DLGAP2: variants seen among roughly 807,000 people sequenced by gnomAD.
DLGAP2 encodes disks large-associated protein 2.
Under a neutral mutation model 100.3 loss-of-function variants are expected in DLGAP2, and 26 were observed. The ratio of observed to expected loss-of-function variants is 0.26; its 90% CI spans 0.19 to 0.36. The LOEUF (loss-of-function observed/expected upper bound fraction) is 0.36. DLGAP2 is among the 10% of genes least tolerant of loss of function. The pLI, the probability that DLGAP2 is intolerant of heterozygous loss-of-function variation, is 1.00. For synonymous variants in DLGAP2, 886 were observed against 630.1 expected, an observed-to-expected ratio of 1.41 and a Z score of -6.08; for missense variants, 1,858 against 1,453.2, an observed-to-expected ratio of 1.28 and a Z score of -4.53.
At chr8:1,068,541 C>T (rs1803326978) in intron 2 of DLGAP2, among the ~76,000 whole-genome samples, 1 of 152,090 alleles carries the variant, frequency 6.6e-6, no homozygotes, top group African/African-American at 2.4e-5. Flanking sequence ...TAAGGCTGTC[C>T]CGGTGGCTAG....
At chr8:1,670,700 C>G (rs963854442) in intron 10 of DLGAP2, among the ~76,000 whole-genome samples, 1 of 152,144 alleles carries the variant, frequency 6.6e-6, no homozygotes, top group African/African-American at 2.4e-5. Context: ...AAAAAAAACG[C>G]ACAACATCCT....
intron 6 of DLGAP2, among the ~76,000 whole-genome samples, chr8:1,603,417 T>C (rs1428057476): frequency 6.7e-6 from 1 of 149,242 alleles, no homozygotes; most frequent in African/African-American, 2.5e-5. Flanking sequence ...GAGTGGAGGC[T>C]GGGTCTCAGT....
At chr8:940,238 A>G (rs1380199969) in intron 2 of DLGAP2, among the ~76,000 whole-genome samples, 3 of 152,018 alleles carry the variant, frequency 2.0e-5, no homozygotes, top group Non-Finnish European at 4.4e-5. Context: ...AAATTGGGAG[A>G]ACAATAATGG....
At chr8:1,230,899 G>T (rs144060290) in intron 2 of DLGAP2, among the ~76,000 whole-genome samples, 1 of 152,144 alleles carries the variant, frequency 6.6e-6, no homozygotes, top group East Asian at 1.9e-4. Flanking sequence ...CAAACTTCAA[G>T]AATCCTAAGA....
At chr8:1,379,804 TTGG>T (rs1231216621) in intron 3 of DLGAP2, 1 of 151,762 alleles carries the variant, frequency 6.6e-6, no homozygotes, top group African/African-American at 2.4e-5. Context: ...ATTTCCCTGC[TTGG>T]TGGGGGTCTG....
At position 1,421,184 on chromosome 8, in the gene DLGAP2, T is replaced by A. The variant is rs187860806; in HGVS notation, c.107-80182T>A. Among the ~76,000 whole-genome samples the A allele has an allele frequency of 9.5e-4, 145 of 152,358 alleles. 1 individual carries two copies. The highest frequency in any genetic ancestry group is 3.3e-3 in the African/African-American group (138 of 41,576). On this transcript the variant is annotated intron_variant, in intron 3 of 14. Transcript: ENST00000637795. The stretch of plus-strand genomic sequence containing the variant: ...ATAAACAGGAAGCCGAGCTCATTTT[T>A]CCTGGAACATAGCTCTAACATCTGA...
At chr8:784,662 A>T (rs964449286) in intron 1 of DLGAP2, among the ~76,000 whole-genome samples, 1 of 152,184 alleles carries the variant, frequency 6.6e-6, no homozygotes, top group Non-Finnish European at 1.5e-5. Flanking sequence ...TTCCATGGGG[A>T]GGAATTTAAG....
intron 2 of DLGAP2, among the ~76,000 whole-genome samples, chr8:1,124,702 A>C (rs866698369): frequency 1.2e-4 from 18 of 152,316 alleles, no homozygotes; most frequent in South Asian, 2.1e-4. Flanking sequence ...GATTTTCACT[A>C]TCTTTTGAAA....
At chr8:1,652,494 C>G (rs200885189) in intron 8 of DLGAP2, among the ~76,000 whole-genome samples, 2 of 152,112 alleles carry the variant, frequency 1.3e-5, no homozygotes, top group Admixed American at 6.5e-5. Flanking sequence ...GAACTACTAC[C>G]TTAGCACTGC....
At chr8:836,530 G>T (rs1432051050) in intron 1 of DLGAP2, among the ~76,000 whole-genome samples, 1 of 152,196 alleles carries the variant, frequency 6.6e-6, no homozygotes, top group African/African-American at 2.4e-5. Context: ...AGGTGCGGGG[G>T]CACACAAGGC....
At chr8:1,012,612 C>T (rs1314833580) in intron 2 of DLGAP2, among the ~76,000 whole-genome samples, 1 of 120,980 alleles carries the variant, frequency 8.3e-6, no homozygotes, top group African/African-American at 3.2e-5. Flanking sequence ...TCTGACCGGC[C>T]CCCCCGACTT....
chr8:1,135,503 G>GTTTTTTTTT (rs3080806), intron 2 of DLGAP2, among the ~76,000 whole-genome samples: 83 of 92,234 alleles, frequency 9.0e-4, no homozygotes, highest in Middle Eastern at 0.015. Context: ...TTTTTTGTGG[G>GTTTTTTTTT]TTTTTTTTTT....
At chr8:1,089,437 C>T (rs935022780) in intron 2 of DLGAP2, among the ~76,000 whole-genome samples, 3 of 152,198 alleles carry the variant, frequency 2.0e-5, no homozygotes, top group African/African-American at 7.2e-5. Flanking sequence ...CGCCTTCCTC[C>T]AGCATCAGGG....
At chr8:859,114 C>CTT (rs113689898) in intron 1 of DLGAP2, among the ~76,000 whole-genome samples, 4 of 142,434 alleles carry the variant, frequency 2.8e-5, no homozygotes, top group East Asian at 2.0e-4. Flanking sequence ...CCTTAGTCTT[C>CTT]TTTTTTTTTT....
intron 3 of DLGAP2, among the ~76,000 whole-genome samples, chr8:1,489,813 C>T (rs1424761429): frequency 6.6e-6 from 1 of 152,200 alleles, no homozygotes; most frequent in Non-Finnish European, 1.5e-5. Flanking sequence ...CACTTAGAAG[C>T]TTTCTAACAT....
chr8:1,438,896 A>AT (rs980479295), intron 3 of DLGAP2, among the ~76,000 whole-genome samples: 24 of 152,088 alleles, frequency 1.6e-4, no homozygotes, highest in East Asian at 5.8e-4. Context: ...CTTCTCCTTC[A>AT]TTTTTTTTAC....
intron 3 of DLGAP2, among the ~76,000 whole-genome samples, chr8:1,328,620 G>A (rs981119456): frequency 1.3e-5 from 2 of 152,098 alleles, no homozygotes; most frequent in Admixed American, 6.5e-5. Context: ...TAAAGTGCTG[G>A]GATTACAGGC....
chr8:1,421,428 A>G (rs1173453076), intron 3 of DLGAP2, among the ~76,000 whole-genome samples: 1 of 152,226 alleles, frequency 6.6e-6, no homozygotes, highest in Non-Finnish European at 1.5e-5. Flanking sequence ...CACCCACACA[A>G]GAGACATGGA....
chr8:1,088,647 C>G (rs187935731), intron 2 of DLGAP2, among the ~76,000 whole-genome samples: 11 of 151,976 alleles, frequency 7.2e-5, no homozygotes, highest in Admixed American at 6.6e-4. Context: ...CCACCCCACT[C>G]TCTCCACCCC....
Sources: gnomAD v4.1 joint callset for allele counts (sites outside exome capture counted in the v4.1 genomes callset) on GRCh38, gnomAD v4.1.1 for gene constraint, MANE v1.5 for transcripts, NCBI Gene and HGNC (gene_info 2026-07-23, HGNC 2026-07-21) for gene names.